The following TNIK variants were observed in gnomAD, a reference collection of about 807,000 sequenced individuals.
TNIK encodes TRAF2 and NCK-interacting protein kinase.
TNIK carries 49 observed loss-of-function variants against 191.3 expected under a neutral mutation model. The ratio of observed to expected loss-of-function variants is 0.26; its 90% confidence interval spans 0.20 to 0.32. The LOEUF is 0.32. TNIK is among the 10% of genes least tolerant of loss of function. TNIK has a pLI of 1.00. For missense variants in TNIK, 1,155 were observed against 1,702.3 expected, an observed-to-expected ratio of 0.68 and a Z score of 5.66; for synonymous variants, 594 against 600.9, an observed-to-expected ratio of 0.99 and a Z score of 0.17.
At chr3:171,199,053 C>A (rs1739074160) in intron 4 of TNIK, among the ~76,000 whole-genome samples, 1 of 152,094 alleles carries the variant, frequency 6.6e-6, no homozygotes, top group Admixed American at 6.5e-5. Flanking sequence ...AACATACTTT[C>A]AAATATTCAG....
At position 171,366,941 on chromosome 3, in the gene TNIK, T is replaced by C. The variant is rs1167700665; in HGVS notation, c.123+2679A>G. ...GCACTGATTCTCTCTCCTGCCACCC[T>C]GTGAAGAGGTGGCTTCTGCCATGAT... On this transcript the variant is annotated intron_variant, in intron 2 of 32. Transcript: ENST00000436636. This position sits in a 1 kb window ranked among gnomAD's most constrained non-coding sequence, Gnocchi z 4.1. 6.6e-6 allele frequency among the ~76,000 whole-genome samples: 1 copy of C among 152,220 alleles called. No homozygotes were observed. Among genetic ancestry groups the C allele is most frequent in the African/African-American group, 2.4e-5 (1 of 41,468 alleles).
chr3:171,332,831 A>G (rs1249256723), intron 2 of TNIK, among the ~76,000 whole-genome samples: 1 of 152,230 alleles, frequency 6.6e-6, no homozygotes, highest in Non-Finnish European at 1.5e-5. Context: ...TTCCCAGCAA[A>G]GGAAACACAA....
chr3:171,321,272 A>G (rs760524599), intron 2 of TNIK, among the ~76,000 whole-genome samples: 3 of 152,200 alleles, frequency 2.0e-5, no homozygotes, highest in Non-Finnish European at 4.4e-5. Flanking sequence ...TTAAATTCCA[A>G]GGTCAAAGGC....
intron 3 of TNIK, among the ~76,000 whole-genome samples, chr3:171,221,572 A>G (rs1254790714): frequency 3.3e-5 from 5 of 152,158 alleles, no homozygotes; most frequent in African/African-American, 1.2e-4. Context: ...AATGTCTTGT[A>G]CTAAAATATA....
intron 11 of TNIK, among the ~76,000 whole-genome samples, chr3:171,161,012 A>G (rs1733915982): frequency 1.3e-5 from 2 of 152,354 alleles, no homozygotes; most frequent in Admixed American, 6.5e-5. Context: ...CGTGTTACAT[A>G]TGTAAGAAAA....
At chr3:171,129,674 T>C (rs561326991) in intron 15 of TNIK, among the ~76,000 whole-genome samples, 1 of 152,294 alleles carries the variant, frequency 6.6e-6, no homozygotes, top group South Asian at 2.1e-4. Flanking sequence ...GTCATTCCCT[T>C]TCTTCCAGGG....
intron 28 of TNIK, among the ~76,000 whole-genome samples, chr3:171,073,285 C>T (rs1214171670): frequency 6.6e-6 from 1 of 151,894 alleles, no homozygotes; most frequent in African/African-American, 2.4e-5. Context: ...AGTCAACAAA[C>T]ATAAACAATG....
chr3:171,085,293 A>G (rs1721203435), intron 24 of TNIK, 64 bp from the exon 25 acceptor site: 2 of 1,442,440 alleles, frequency 1.4e-6, no homozygotes, highest in Non-Finnish European at 1.9e-6. Flanking sequence ...AATGCTAACA[A>G]TACTGTGCTT....
chr3:171,290,217 A>G (rs967487368), intron 2 of TNIK, among the ~76,000 whole-genome samples: 8 of 152,208 alleles, frequency 5.3e-5, no homozygotes, highest in Admixed American at 2.6e-4. Flanking sequence ...GTGCTCAAAA[A>G]TACCTATGGT....
rs566348095 is a variant in TNIK at position 171,279,257 on chromosome 3, G to C, written c.124-51036C>G. Among the ~76,000 whole-genome samples, 5 of 152,070 alleles carry C rather than the reference G, an allele frequency of 3.3e-5. No individual in the cohort carries two copies. In the South Asian group the frequency reaches 6.2e-4, roughly 19 times the overall value. ...ATCTACCAAGACATATTTTTAATGAGATCCTCCTATAAAGTGTTTATAGTT... is the reference window on the plus strand; with the variant it reads ...ATCTACCAAGACATATTTTTAATGACATCCTCCTATAAAGTGTTTATAGTT... On this transcript the variant is annotated intron_variant, in intron 2 of 32. Transcript: ENST00000436636.
At chr3:171,129,864 G>A (rs1471910739) in intron 15 of TNIK, among the ~76,000 whole-genome samples, 1 of 152,204 alleles carries the variant, frequency 6.6e-6, no homozygotes, top group African/African-American at 2.4e-5. Flanking sequence ...TCTAAGATAT[G>A]GCTTAAGATC....
At chr3:171,122,808 A>G (rs1727938144) in intron 18 of TNIK, among the ~76,000 whole-genome samples, 1 of 152,212 alleles carries the variant, frequency 6.6e-6, no homozygotes, top group South Asian at 2.1e-4. Context: ...TTGATCCTAA[A>G]AAGTGATGTA....
At chr3:171,127,972 A>C (rs896068982) in intron 16 of TNIK, among the ~76,000 whole-genome samples, 4 of 152,238 alleles carry the variant, frequency 2.6e-5, no homozygotes, top group African/African-American at 9.6e-5. Flanking sequence ...ATTTCACTTC[A>C]TATTTCATTT....
chr3:171,149,127 T>C (rs149803293), intron 12 of TNIK, among the ~76,000 whole-genome samples: 8 of 152,314 alleles, frequency 5.3e-5, no homozygotes, highest in African/African-American at 1.4e-4. Flanking sequence ...TTTGTTGTCA[T>C]AGTTCTATGG....
At chr3:171,156,465 G>C (rs147597179) in intron 12 of TNIK, among the ~76,000 whole-genome samples, 2 of 152,160 alleles carry the variant, frequency 1.3e-5, no homozygotes, top group Admixed American at 6.5e-5. Flanking sequence ...GCTGGTGTTC[G>C]GGAAACCTGT....
rs1390873163 is a variant in TNIK at position 171,140,525 on chromosome 3, C to A, written c.1222-16G>T. 6.2e-7 allele frequency: 1 copy of A among 1,611,680 alleles called. No individual in the cohort carries two copies. Among genetic ancestry groups the A allele is most frequent in the Admixed American group, 1.7e-5 (1 of 60,016 alleles). The stretch of plus-strand genomic sequence containing the variant: ...GCCTTTGTTGCTGTGGGGCAACAAG[C>A]AGACAACCATGAAGGCAACAGGCCC... On this transcript the variant is annotated splice_polypyrimidine_tract_variant and intron_variant, in intron 12 of 32. Coordinates refer to ENST00000436636, the MANE Select transcript of TNIK (RefSeq NM_015028.4).
intron 28 of TNIK, among the ~76,000 whole-genome samples, chr3:171,075,388 G>A (rs1368979377): frequency 1.3e-5 from 2 of 152,188 alleles, no homozygotes; most frequent in East Asian, 1.9e-4. Flanking sequence ...ATGATGGGAT[G>A]TATGTTTTAT....
At position 171,366,525 on chromosome 3, in the gene TNIK, T is replaced by C. The variant is rs548920857; in HGVS notation, c.123+3095A>G. Among the ~76,000 whole-genome samples the C allele has an allele frequency of 6.6e-6, 1 of 152,260 alleles. No individual in the cohort carries two copies. The highest frequency in any genetic ancestry group is 1.9e-4 in the East Asian group (1 of 5,186). On this transcript the variant is annotated intron_variant, in intron 2 of 32. Coordinates refer to ENST00000436636, the MANE Select transcript of TNIK (RefSeq NM_015028.4). This position sits in a 1 kb window ranked among gnomAD's most constrained non-coding sequence, Gnocchi z 4.1. Reference sequence around the variant, plus strand: ...TATACTTTTTATTTATTATATTAAGTATGTTTCTTTAAAACTACCTGTAAA... The same window carrying C: ...TATACTTTTTATTTATTATATTAAGCATGTTTCTTTAAAACTACCTGTAAA...
intron 12 of TNIK, among the ~76,000 whole-genome samples, chr3:171,148,166 A>G (rs1373191624): frequency 6.6e-6 from 1 of 152,186 alleles, no homozygotes; most frequent in African/African-American, 2.4e-5. Flanking sequence ...GCCTAAGTGA[A>G]GCCTTTTCTT....
Sources: allele counts gnomAD v4.1 joint callset (sites outside exome capture counted in the v4.1 genomes callset), GRCh38; gene constraint gnomAD v4.1.1; non-coding constraint Gnocchi (gnomAD v3.1); transcripts MANE v1.5; gene names NCBI Gene and HGNC (gene_info 2026-07-23, HGNC 2026-07-21).